INTS1: variants seen among roughly 807,000 people sequenced by gnomAD.
INTS1 encodes integrator complex subunit 1.
INTS1 carries 137 observed loss-of-function variants against 241.6 expected under a neutral mutation model. That is an observed-to-expected ratio of 0.57 (90% confidence interval 0.49 to 0.65). The LOEUF (loss-of-function observed/expected upper bound fraction) is 0.65. Among genes scored for constraint, INTS1 ranks in the 30% least tolerant of loss-of-function variants. INTS1 has a pLI of 0.00. For missense variants in INTS1, 3,073 were observed against 3,032.2 expected (o/e 1.01, Z -0.32); for synonymous variants, 1,692 against 1,337.8 (o/e 1.26, Z -5.78).
In INTS1 at chr7:1,502,893, C is replaced by T; in HGVS notation, c.349+8G>A. 6.2e-7 allele frequency: 1 copy of T among 1,613,624 alleles called. No homozygotes were observed. The highest frequency in any genetic ancestry group is 8.5e-7 in the Non-Finnish European group (1 of 1,179,758). On this transcript the variant is annotated splice_region_variant and intron_variant, in intron 3 of 47. Transcript: ENST00000404767. ...GGTGTTCTCGGGGGATGTCCACAGA[C>T]TCATTACCTTCAATTGGCACCACAG...
chr7:1,477,476 G>A, intron 35 of INTS1, 74 bp downstream of exon 35: 4 of 1,441,210 alleles, frequency 2.8e-6, no homozygotes, highest in Non-Finnish European at 3.7e-6. Flanking sequence ...CCCAGGCCAA[G>A]GCTGCTGCAC....
rs779067143 is a variant in INTS1 at position 1,486,818 on chromosome 7, G to A, written c.2827-44C>T. On this transcript the variant is annotated intron_variant, in intron 21 of 47. Transcript: ENST00000404767. ...TCTCAGGGGTGCAGGTGACAGGCCA[G>A]GCGGGTAGGACGTGGGGTGCGCGGC... 5.0e-6 allele frequency: 8 copies of A among 1,606,764 alleles called. No individual in the cohort carries two copies. In the East Asian group the frequency reaches 6.7e-5, roughly 13 times the overall value.
chr7:1,503,762 T>C, intron 2 of INTS1, 141 bp downstream of exon 2: 1 of 640,056 alleles, frequency 1.6e-6, no homozygotes, highest in East Asian at 3.2e-5. Context: ...CCGAGAGCAG[T>C]GTTTCCAGAC....
In INTS1 at chr7:1,495,355, G is replaced by T. The variant is rs541031776; in HGVS notation, c.1832+78C>A. 4.4e-4 allele frequency: 663 copies of T among 1,513,330 alleles called. No individual in the cohort carries two copies. In the African/African-American group the frequency reaches 6.6e-3, roughly 15 times the overall value. 93.7% of individuals were successfully genotyped at this position (1,513,330 alleles called of 1,614,324 possible). On this transcript the variant is annotated intron_variant, in intron 13 of 47. Coordinates refer to ENST00000404767, the MANE Select transcript of INTS1 (RefSeq NM_001080453.3). The stretch of plus-strand genomic sequence containing the variant: ...TTGTCCTGGCTCAGTGGGGTTTGGG[G>T]CAGGGGTTGTGCGGGGCCCCGGCTT...
chr7:1,503,873 C>A, intron 2 of INTS1, 30 bp downstream of exon 2: 1 of 1,540,288 alleles, frequency 6.5e-7, no homozygotes, highest in South Asian at 1.2e-5. Context: ...CCAAAGACCC[C>A]CGGGCTGCAG....
Position 1,485,172 on chromosome 7 carries a change from T to C in INTS1, c.3187A>G (p.Ile1063Val), listed in dbSNP as rs376262089. 20 of 1,600,600 alleles carry C rather than the reference T, an allele frequency of 1.2e-5. No homozygotes were observed. Among genetic ancestry groups the C allele is most frequent in the Non-Finnish European group, 1.5e-5 (18 of 1,179,622 alleles). ...GACAAGTAGATCAGGTAGGCGCTGA[T>C]GGTCTGGGGATCAGTCTCCATGTGG... ...AIHMETDPQT[I>V]SAYLIYLSQH... Residue 1063 changes from isoleucine (I) to valine (V), a missense_variant, in exon 24 of 48, where the codon ATC (isoleucine) becomes GTC (valine). By Grantham distance (29) the Ile-to-Val change is conservative. Coordinates refer to ENST00000404767, the MANE Select transcript of INTS1 (RefSeq NM_001080453.3).
chr7:1,498,817 G>A lies in INTS1; in HGVS notation c.1173C>T (p.Val391=), dbSNP rs1335403779. 1.2e-6 allele frequency: 2 copies of A among 1,606,182 alleles called. No homozygotes were observed. The highest frequency in any genetic ancestry group is 2.2e-5 in the East Asian group (1 of 44,574). ...AACCGTGCGTGTTGCAGTTCATGCA[G>A]ACGGACATCAGCAGGTCCTGGGCCG... is the stretch of plus-strand genomic sequence containing the variant. ...TRPAQDLLMS[V]CMNCNTHGSE... is the part of the protein sequence containing the mutation. The change falls in exon 9 of 48, where the codon GTC becomes GTT. Residue 391 remains valine, a synonymous_variant. Transcript: ENST00000404767.
chr7:1,494,686 G>T, intron 14 of INTS1, 130 bp downstream of exon 14: 1 of 848,518 alleles, frequency 1.2e-6, no homozygotes, highest in Non-Finnish European at 1.9e-6. Flanking sequence ...TGTGGAGGAG[G>T]AGCAGGATGG....
rs1270736403 is a variant in INTS1, at chr7:1,470,861, C to T, written c.6442G>A (p.Ala2148Thr). 1.6e-5 allele frequency: 26 copies of T among 1,591,046 alleles called. No homozygotes were observed. The Admixed American group carries it at 1.9e-4, about 12-fold the overall frequency. Reference sequence around the variant, plus strand: ...CAGTCCTCACCTTGGCACAGGAGAGCGTACTCAGGCAGGTTCCGGAGGGCC... The same window carrying T: ...CAGTCCTCACCTTGGCACAGGAGAGTGTACTCAGGCAGGTTCCGGAGGGCC... ...QTALRNLPEYALLCQEHAAVL... is the reference protein window; with the variant it reads ...QTALRNLPEYTLLCQEHAAVL... The change falls in exon 47 of 48, where the codon GCT (alanine) becomes ACT (threonine). Residue 2148 changes from alanine (A) to threonine (T), a missense_variant. Transcript: ENST00000404767.
chr7:1,476,493 G>GCCTCTCCCGGATGGACCACCC (rs1781726461), intron 37 of INTS1, 38 bp from the exon 38 acceptor site: 1 of 1,190,076 alleles, frequency 8.4e-7, no homozygotes, highest in Non-Finnish European at 1.2e-6. Context: ...GAGCACCACC[G>GCCTCTCCCGGATGGACCACCC]CCTCTCCCGG....
In INTS1 at chr7:1,481,626, A is replaced by C; in HGVS notation, c.3704-138T>G. The stretch of plus-strand genomic sequence containing the variant: ...TGGGCCACGTGGGCTCGGTGACCCC[A>C]CCCAAGACCTGGGGCAGTGCACACT... On this transcript the variant is annotated intron_variant, in intron 27 of 47. Coordinates refer to ENST00000404767, the MANE Select transcript of INTS1 (RefSeq NM_001080453.3). The surrounding 1 kb of genome is among the most constrained non-coding windows in gnomAD (Gnocchi z 6.8). The C allele has an allele frequency of 1.5e-6, 1 of 679,310 alleles. No homozygotes were observed. The highest frequency in any genetic ancestry group is 2.1e-6 in the Non-Finnish European group (1 of 476,262). 42.1% of individuals were successfully genotyped at this position (679,310 alleles called of 1,614,324 possible). A position where few individuals can be genotyped will look rare whatever the true frequency, so the allele number is the denominator to read the frequency against.
At chr7:1,484,384 A>G (rs73040922) in intron 24 of INTS1, among the ~76,000 whole-genome samples, 6,882 of 152,282 alleles carry the variant, frequency 0.045, 325 homozygotes, top group Admixed American at 0.14. Flanking sequence ...ACAGCCAGGG[A>G]CAATGACCAG....
Position 1,473,583 on chromosome 7 carries a change from C to T in INTS1, c.5940G>A (p.Lys1980=), listed in dbSNP as rs184499675. 5 of 1,602,704 alleles carry T rather than the reference C, an allele frequency of 3.1e-6. No individual in the cohort carries two copies. In the South Asian group the frequency reaches 4.5e-5, roughly 14 times the overall value. ...NAPAAISFLQ[K]HADPLHDLSF... is the part of the protein sequence containing the mutation. ...GCACTCACTGGAGCGGGTCGGCGTGCTTCTGCAGGAAGGAGATGGCTGCTG... is the reference window on the plus strand; with the variant it reads ...GCACTCACTGGAGCGGGTCGGCGTGTTTCTGCAGGAAGGAGATGGCTGCTG... Residue 1980 remains lysine (K), a synonymous_variant, in exon 42 of 48, where the codon AAG becomes AAA. Coordinates refer to ENST00000404767, the MANE Select transcript of INTS1 (RefSeq NM_001080453.3).
rs547775667 is a variant in INTS1 at position 1,488,092 on chromosome 7, G to C, written c.2319-135C>G. ...TGCTGCACAGCAGTCAGGAGCACAG[G>C]GCGCCCGGTAGCATCCATGGGGCTG... is the stretch of plus-strand genomic sequence containing the variant. On this transcript the variant is annotated intron_variant, in intron 18 of 47. Transcript: ENST00000404767. 2.0e-4 allele frequency: 187 copies of C among 912,886 alleles called. No homozygotes were observed. The African/African-American group carries it at 2.9e-3, about 14-fold the overall frequency. The allele number at this position is 912,886 out of a possible 1,614,324, so 56.5% of individuals were successfully genotyped here. A position where few individuals can be genotyped will look rare whatever the true frequency, so the allele number is the denominator to read the frequency against.
At chr7:1,499,422 C>T (rs1201532590) in intron 6 of INTS1, 51 bp downstream of exon 6, 2 of 1,556,916 alleles carry the variant, frequency 1.3e-6, no homozygotes, top group African/African-American at 2.7e-5. Flanking sequence ...CCACCCCTCC[C>T]CTGCCCTGGG....
intron 35 of INTS1, 34 bp from the exon 36 acceptor site, chr7:1,476,952 C>G (rs1482156724): frequency 1.3e-6 from 2 of 1,592,772 alleles, no homozygotes; most frequent in East Asian, 2.3e-5. Context: ...GATGGCCTCA[C>G]CTGGGCCAAT....
Position 1,473,135 on chromosome 7 carries a change from CAAG to C in INTS1, c.6004_6006del (p.Leu2002del). 2 of 1,612,222 alleles carry C rather than the reference CAAG, an allele frequency of 1.2e-6. No individual in the cohort carries two copies. The highest frequency in any genetic ancestry group is 2.2e-5 in the South Asian group (2 of 91,078). On this transcript the variant is annotated inframe_deletion, in exon 43 of 48. Coordinates refer to ENST00000404767, the MANE Select transcript of INTS1 (RefSeq NM_001080453.3). ...TCCCTGCTGGGCAGGCTGAGCCCTG[CAAG>C]GAGGGATTTCAGCATCACCAGGTCA...
At chr7:1,487,615 G>C in intron 19 of INTS1, 145 bp downstream of exon 19, 2 of 1,270,618 alleles carry the variant, frequency 1.6e-6, no homozygotes, top group Non-Finnish European at 2.2e-6. Flanking sequence ...GTAAGCCAGG[G>C]ACGCGGGGAC....
rs1226784717 is a variant in INTS1 at position 1,477,875 on chromosome 7, G to A, written c.4692C>T (p.Phe1564=). 20 of 1,612,632 alleles carry A rather than the reference G, an allele frequency of 1.2e-5. No individual in the cohort carries two copies. Among genetic ancestry groups the A allele is most frequent in the Admixed American group, 1.7e-5 (1 of 60,020 alleles). ...PHLEELLTAF[F]SATADAASPF... ...GGGAGGCAGCATCCGCAGTGGCAGAGAAGAATGCAGTCAGCAGCTCCTCCA... is the reference window on the plus strand; with the variant it reads ...GGGAGGCAGCATCCGCAGTGGCAGAAAAGAATGCAGTCAGCAGCTCCTCCA... The change falls in exon 34 of 48, where the codon TTC becomes TTT. Residue 1564 remains phenylalanine, a synonymous_variant. Transcript: ENST00000404767.
Sources: gnomAD v4.1 joint callset for allele counts (sites outside exome capture counted in the v4.1 genomes callset) on GRCh38, gnomAD v4.1.1 for gene constraint, Gnocchi (gnomAD v3.1) non-coding constraint, MANE v1.5 for transcripts, NCBI Gene and HGNC (gene_info 2026-07-23, HGNC 2026-07-21) for gene names.